Variants in DLG1 observed in about 807,000 individuals in gnomAD.
The protein encoded by DLG1 is disks large homolog 1.
A neutral mutation model predicts 123.4 loss-of-function variants in DLG1; 42 were observed. The observed-to-expected ratio is 0.34, with a 90% confidence interval of 0.27 to 0.44. The LOEUF (loss-of-function observed/expected upper bound fraction) is 0.44, where lower values mean the gene tolerates loss of function less well. Ranked by LOEUF, DLG1 falls within the 20% of genes least tolerant of loss-of-function variation. DLG1 has a pLI of 1.00. For synonymous variants in DLG1, 317 were observed against 356.2 expected (o/e 0.89, Z 1.24); for missense variants, 942 against 1,082.6 (o/e 0.87, Z 1.82).
chr3:197,183,664 C>G, intron 5 of DLG1: 2 of 1,550,552 alleles, frequency 1.3e-6, no homozygotes, highest in South Asian at 2.4e-5. Context: ...CGTGAAGGTT[C>G]TGGCTCAGCT....
At chr3:197,054,973 G>A (rs551364432) in intron 23 of DLG1, among the ~76,000 whole-genome samples, 7 of 152,128 alleles carry the variant, frequency 4.6e-5, no homozygotes, top group African/African-American at 9.6e-5. Flanking sequence ...CCGCCACCAC[G>A]CCCAGCTAAT....
chr3:197,182,396 C>T (rs1712794763), intron 5 of DLG1, among the ~76,000 whole-genome samples: 1 of 152,074 alleles, frequency 6.6e-6, no homozygotes, highest in Non-Finnish European at 1.5e-5. Context: ...TAGGTAATTC[C>T]ATTTCTCCCA....
chr3:197,276,994 C>T (rs373395933), intron 4 of DLG1, among the ~76,000 whole-genome samples: 1 of 150,672 alleles, frequency 6.6e-6, no homozygotes, highest in Non-Finnish European at 1.5e-5. Flanking sequence ...AGGACTCAAG[C>T]GATCTTCCCA....
At chr3:197,192,350 C>T (rs1720053856) in intron 5 of DLG1, among the ~76,000 whole-genome samples, 1 of 151,466 alleles carries the variant, frequency 6.6e-6, no homozygotes, top group African/African-American at 2.4e-5. Context: ...AATGCTGTTT[C>T]AAGAAACATT....
chr3:197,104,770 C>G, intron 14 of DLG1, 133 bp downstream of exon 14: 2 of 656,476 alleles, frequency 3.0e-6, no homozygotes, highest in Non-Finnish European at 5.4e-6. Context: ...TAAACAAATA[C>G]TGGATTAGCA....
chr3:197,085,559 AGTG>A lies in DLG1; in HGVS notation c.1838+18_1838+20del. On this transcript the variant is annotated intron_variant, in intron 16 of 24. Transcript: ENST00000667157. ...AATTATTTATGTTGCCTCACATTCA[AGTG>A]GTAAGAAACAGGCATACCTGCGTTT... 1 of 1,612,402 alleles carries A rather than the reference AGTG, an allele frequency of 6.2e-7. No homozygotes were observed. Among genetic ancestry groups the A allele is most frequent in the Non-Finnish European group, 8.5e-7 (1 of 1,178,838 alleles).
chr3:197,175,642 A>T (rs1204530447), intron 5 of DLG1, among the ~76,000 whole-genome samples: 1 of 152,198 alleles, frequency 6.6e-6, no homozygotes, highest in Non-Finnish European at 1.5e-5. Flanking sequence ...ACATCTGTTT[A>T]TTCATTCAAC....
intron 4 of DLG1, among the ~76,000 whole-genome samples, chr3:197,256,328 G>C (rs747973799): frequency 6.6e-6 from 1 of 152,278 alleles, no homozygotes; most frequent in African/African-American, 2.4e-5. Context: ...AAATGAGTGA[G>C]TGTGGCCCAA....
chr3:197,174,266 TG>T (rs780516831), intron 5 of DLG1, among the ~76,000 whole-genome samples: 18 of 152,158 alleles, frequency 1.2e-4, no homozygotes, highest in Non-Finnish European at 8.8e-5. Flanking sequence ...TAACTATAAA[TG>T]GTTTAATTCT....
intron 3 of DLG1, among the ~76,000 whole-genome samples, chr3:197,295,739 G>A (rs1329451752): frequency 1.3e-5 from 2 of 152,140 alleles, no homozygotes; most frequent in Admixed American, 1.3e-4. Context: ...AATGACTTGG[G>A]ATATATCATT....
rs149310597 is a variant in DLG1 at position 197,179,566 on chromosome 3, T to G, written c.483+14859A>C. Reference sequence around the variant, plus strand: ...GTGCAATAATTCCTAATAATCTATATCTGAATTTGTTCATATACTATTAGA... The same window carrying G: ...GTGCAATAATTCCTAATAATCTATAGCTGAATTTGTTCATATACTATTAGA... On this transcript the variant is annotated intron_variant, in intron 5 of 24. Transcript: ENST00000667157. Among the ~76,000 whole-genome samples the G allele has an allele frequency of 8.5e-3, 1,288 of 152,324 alleles. 18 individuals carry two copies. The highest frequency in any genetic ancestry group is 0.029 in the African/African-American group (1,220 of 41,586).
intron 13 of DLG1, among the ~76,000 whole-genome samples, chr3:197,105,443 T>C (rs1193376363): frequency 6.6e-6 from 1 of 152,222 alleles, no homozygotes; most frequent in Non-Finnish European, 1.5e-5. Flanking sequence ...TCCAATTATT[T>C]TTCTTCCTGT....
intron 15 of DLG1, among the ~76,000 whole-genome samples, chr3:197,090,325 C>T (rs1757068231): frequency 6.8e-6 from 1 of 147,904 alleles, no homozygotes; most frequent in African/African-American, 2.5e-5. Context: ...AAAAAAGAAA[C>T]ACCCCAGTTT....
chr3:197,185,826 T>C (rs911274218), intron 5 of DLG1, among the ~76,000 whole-genome samples: 7 of 152,178 alleles, frequency 4.6e-5, no homozygotes, highest in Non-Finnish European at 8.8e-5. Flanking sequence ...TACCTCAAAC[T>C]GTAAACAGTA....
chr3:197,200,684 A>G (rs751400251), intron 4 of DLG1, among the ~76,000 whole-genome samples: 27 of 152,316 alleles, frequency 1.8e-4, no homozygotes, highest in Admixed American at 1.4e-3. Context: ...ACACAAATCA[A>G]TAAATGTGAT....
intron 12 of DLG1, among the ~76,000 whole-genome samples, chr3:197,116,389 A>G (rs1307847230): frequency 6.6e-6 from 1 of 152,212 alleles, no homozygotes; most frequent in African/African-American, 2.4e-5. Flanking sequence ...CATACTCATG[A>G]AAAGCTGATG....
At chr3:197,237,006 A>C (rs1746316798) in intron 4 of DLG1, among the ~76,000 whole-genome samples, 2 of 152,204 alleles carry the variant, frequency 1.3e-5, no homozygotes, top group Non-Finnish European at 1.5e-5. Context: ...TGCAAAAAAC[A>C]AAAACAACCC....
chr3:197,198,487 C>CAAAAA lies in DLG1; in HGVS notation c.319-3903_319-3899dup, dbSNP rs5855568. Among the ~76,000 whole-genome samples, 136 of 109,540 alleles carry CAAAAA rather than the reference C, an allele frequency of 1.2e-3. 2 individuals are homozygous for CAAAAA. Among genetic ancestry groups the CAAAAA allele is most frequent in the East Asian group, 3.9e-3 (15 of 3,846 alleles). 71.9% of individuals were successfully genotyped at this position (109,540 alleles called of 152,430 possible). ...GGGTGACACAGCGAGACTCAGTCTCCAAAAAAAAAAAAAAAGACAAACCAA... is the reference window on the plus strand; with the variant it reads ...GGGTGACACAGCGAGACTCAGTCTCCAAAAAAAAAAAAAAAAAAAAGACAAACCAA... On this transcript the variant is annotated intron_variant, in intron 4 of 24. Transcript: ENST00000667157.
At chr3:197,229,017 G>GC (rs1277694479) in intron 4 of DLG1, among the ~76,000 whole-genome samples, 1 of 151,952 alleles carries the variant, frequency 6.6e-6, no homozygotes, top group African/African-American at 2.4e-5. Flanking sequence ...ACAACTTTGC[G>GC]CCCCCAGGGA....
Sources: allele counts gnomAD v4.1 joint callset (sites outside exome capture counted in the v4.1 genomes callset), GRCh38; gene constraint gnomAD v4.1.1; transcripts MANE v1.5; gene names NCBI Gene and HGNC (gene_info 2026-07-23, HGNC 2026-07-21).